Variants in SLC22A23 observed in about 807,000 individuals in gnomAD.
The protein encoded by SLC22A23 is solute carrier family 22 member 23.
A neutral mutation model predicts 61.0 loss-of-function variants in SLC22A23; 26 were observed. The ratio of observed to expected loss-of-function variants is 0.43; its 90% CI spans 0.31 to 0.59. SLC22A23 has a LOEUF of 0.59. Among genes scored for constraint, SLC22A23 ranks in the 20% least tolerant of loss-of-function variants. The pLI, the probability that SLC22A23 is intolerant of heterozygous loss-of-function variation, is 0.11. For synonymous variants in SLC22A23, 430 were observed against 413.9 expected (o/e 1.04, Z -0.47); for missense variants, 796 against 934.7 (o/e 0.85, Z 1.94).
chr6:3,362,371 C>G (rs991738425), intron 3 of SLC22A23, among the ~76,000 whole-genome samples: 2 of 140,354 alleles, frequency 1.4e-5, no homozygotes, highest in African/African-American at 2.6e-5. Context: ...CCACTGCACT[C>G]CAGGCTGGGC....
rs1764212021 is a variant in SLC22A23, at chr6:3,342,623, A to G, written c.914-18621T>C. On this transcript the variant is annotated intron_variant, in intron 3 of 9. Transcript: ENST00000406686. The surrounding 1 kb of genome is among the most constrained non-coding windows in gnomAD (Gnocchi z 4.0). ...CAGGAAGCCAGTAGATGGGGGGTCC[A>G]GGAGATTCAAACCTTGAGGAGCTTT... 6.6e-6 allele frequency among the ~76,000 whole-genome samples: 1 copy of G among 152,188 alleles called. No homozygotes were observed. The highest frequency in any genetic ancestry group is 1.5e-5 in the Non-Finnish European group (1 of 68,026).
intron 3 of SLC22A23, among the ~76,000 whole-genome samples, chr6:3,389,336 A>C (rs1372879178): frequency 6.6e-6 from 1 of 151,978 alleles, no homozygotes; most frequent in African/African-American, 2.4e-5. Context: ...GCATGACAGA[A>C]GCACGATGCG....
chr6:3,343,085 AG>A (rs556947901), intron 3 of SLC22A23, among the ~76,000 whole-genome samples: 4 of 152,192 alleles, frequency 2.6e-5, no homozygotes, highest in Non-Finnish European at 5.9e-5. Flanking sequence ...TCTCCCTTAA[AG>A]GGGGATTTAT....
At chr6:3,448,801 T>A (rs1772038929) in intron 1 of SLC22A23, among the ~76,000 whole-genome samples, 1 of 152,214 alleles carries the variant, frequency 6.6e-6, no homozygotes, top group Admixed American at 6.5e-5. Flanking sequence ...GCCCCCACCA[T>A]GTTTTTAAAT....
chr6:3,284,557 T>C (rs111693009), intron 8 of SLC22A23, among the ~76,000 whole-genome samples: 5 of 152,300 alleles, frequency 3.3e-5, no homozygotes, highest in African/African-American at 1.2e-4. Flanking sequence ...CAAGGCTGCA[T>C]AGAGGGCAAG....
intron 4 of SLC22A23, among the ~76,000 whole-genome samples, chr6:3,320,485 G>A (rs575358338): frequency 5.9e-5 from 9 of 152,274 alleles, no homozygotes; most frequent in East Asian, 3.9e-4. Context: ...CACCAAGTAC[G>A]CTGCTGGGCA....
At chr6:3,455,225 C>T (rs1216247136) in intron 1 of SLC22A23, among the ~76,000 whole-genome samples, 2 of 152,200 alleles carry the variant, frequency 1.3e-5, no homozygotes, top group African/African-American at 4.8e-5. Context: ...AGCACACCCC[C>T]GTTCTCAGTG....
chr6:3,365,104 A>G lies in SLC22A23; in HGVS notation c.914-41102T>C, dbSNP rs1204609369. ...GAGGCCAAGGCAGGCAGATTACCTG[A>G]GGTCAGGAGTTGGAGATCAATCTGG... On this transcript the variant is annotated intron_variant, in intron 3 of 9. Transcript: ENST00000406686. Among the ~76,000 whole-genome samples the G allele has an allele frequency of 1.3e-5, 2 of 152,176 alleles. 1 individual carries two copies. The highest frequency in any genetic ancestry group is 4.8e-5 in the African/African-American group (2 of 41,420).
chr6:3,375,590 A>C (rs1207104473), intron 3 of SLC22A23, among the ~76,000 whole-genome samples: 2 of 152,246 alleles, frequency 1.3e-5, no homozygotes, highest in African/African-American at 4.8e-5. Flanking sequence ...TATTTTCAGC[A>C]GATGTAATTT....
chr6:3,375,243 T>G (rs3734218), intron 3 of SLC22A23, among the ~76,000 whole-genome samples: 20,852 of 152,184 alleles, frequency 0.14, 1,954 homozygotes, highest in African/African-American at 0.27. Context: ...TTTATCCACC[T>G]CTATTCATCA....
intron 4 of SLC22A23, among the ~76,000 whole-genome samples, chr6:3,301,392 G>C (rs1761593235): frequency 1.3e-5 from 2 of 152,206 alleles, no homozygotes; most frequent in East Asian, 3.9e-4. Flanking sequence ...GAGAATTTTT[G>C]CTTATCTAAG....
chr6:3,432,318 G>A, intron 1 of SLC22A23: 1 of 985,464 alleles, frequency 1.0e-6, no homozygotes, highest in Non-Finnish European at 1.2e-6. Flanking sequence ...GGGTAGGCTG[G>A]CTGTGAGACT....
At chr6:3,338,081 GC>G (rs1763956031) in intron 3 of SLC22A23, among the ~76,000 whole-genome samples, 1 of 152,150 alleles carries the variant, frequency 6.6e-6, no homozygotes, top group Non-Finnish European at 1.5e-5. Flanking sequence ...TCACGAAATA[GC>G]CCCGTCTTCC....
At chr6:3,403,577 G>A (rs187057883) in intron 3 of SLC22A23, among the ~76,000 whole-genome samples, 98 of 152,224 alleles carry the variant, frequency 6.4e-4, no homozygotes, top group Non-Finnish European at 1.2e-3. Context: ...CGGCACTGGC[G>A]CAGCAGCCAC....
chr6:3,284,242 G>C (rs1040332912), intron 8 of SLC22A23: 7 of 354,342 alleles, frequency 2.0e-5, no homozygotes, highest in Non-Finnish European at 2.7e-5. Flanking sequence ...TCAGCCGGGA[G>C]CCATGCCTGG....
chr6:3,414,713 C>T lies in SLC22A23; in HGVS notation c.758+1039G>A, dbSNP rs890887988. Reference sequence around the variant, plus strand: ...TTATTTCCTCAAGGCCAAGATGTCTCGATTCACCAAAAAAAAAAAAAAAAA... The same window carrying T: ...TTATTTCCTCAAGGCCAAGATGTCTTGATTCACCAAAAAAAAAAAAAAAAA... On this transcript the variant is annotated intron_variant, in intron 2 of 9. Transcript: ENST00000406686. The surrounding 1 kb of genome is among the most constrained non-coding windows in gnomAD (Gnocchi z 5.1). 5.5e-5 allele frequency among the ~76,000 whole-genome samples: 6 copies of T among 109,972 alleles called. No homozygotes were observed. The highest frequency in any genetic ancestry group is 1.1e-4 in the Admixed American group (1 of 9,038). 72.1% of individuals were successfully genotyped at this position (109,972 alleles called of 152,430 possible).
intron 9 of SLC22A23, among the ~76,000 whole-genome samples, chr6:3,274,421 A>T (rs1310728347): frequency 2.6e-5 from 4 of 152,212 alleles, no homozygotes; most frequent in Admixed American, 6.5e-5. Flanking sequence ...GCCTCGCTCC[A>T]CAGCAGCAGG....
At chr6:3,335,504 G>C (rs1763801469) in intron 3 of SLC22A23, among the ~76,000 whole-genome samples, 1 of 152,148 alleles carries the variant, frequency 6.6e-6, no homozygotes, top group Non-Finnish European at 1.5e-5. Context: ...GCCATCTCTG[G>C]GGTGAATTCC....
In SLC22A23 at chr6:3,441,183, A is replaced by G. The variant is rs139429306; in HGVS notation, c.654+14723T>C. The stretch of plus-strand genomic sequence containing the variant: ...TGGGGGCTCGTTCAGGTGGTTTTCA[A>G]GAGGCATTGAGTAACATGGGTGTGT... On this transcript the variant is annotated intron_variant, in intron 1 of 9. Transcript: ENST00000406686. Among the ~76,000 whole-genome samples, 1,018 of 152,266 alleles carry G rather than the reference A, an allele frequency of 6.7e-3. 11 individuals carry two copies. Among genetic ancestry groups the G allele is most frequent in the African/African-American group, 0.024 (979 of 41,538 alleles).
Sources: gnomAD v4.1 joint callset for allele counts (sites outside exome capture counted in the v4.1 genomes callset) on GRCh38, gnomAD v4.1.1 for gene constraint, Gnocchi (gnomAD v3.1) non-coding constraint, MANE v1.5 for transcripts, NCBI Gene and HGNC (gene_info 2026-07-23, HGNC 2026-07-21) for gene names.